FKBP5: variants seen among roughly 807,000 people sequenced by gnomAD.
FKBP5 encodes the protein peptidyl-prolyl cis-trans isomerase FKBP5.
In FKBP5, 23 loss-of-function variants were observed where a neutral mutation model predicts 50.5. The ratio of observed to expected loss-of-function variants is 0.46; its 90% CI spans 0.33 to 0.65. FKBP5 has a LOEUF of 0.65. Ranked by LOEUF, FKBP5 falls within the 30% of genes least tolerant of loss-of-function variation. The probability of loss-of-function intolerance (pLI) is 0.02; values close to 1 mark genes in which losing one functional copy is unlikely to be tolerated. For synonymous variants in FKBP5, 176 were observed against 190.6 expected, an observed-to-expected ratio of 0.92 and a Z score of 0.63; for missense variants, 411 against 553.1, an observed-to-expected ratio of 0.74 and a Z score of 2.58.
At chr6:35,714,127 G>T (rs1390633393) in intron 2 of FKBP5, among the ~76,000 whole-genome samples, 4 of 150,830 alleles carry the variant, frequency 2.7e-5, no homozygotes, top group African/African-American at 9.8e-5. Flanking sequence ...TCCTTAAGGG[G>T]TTATGAGGAC....
At chr6:35,663,261 C>G (rs189742338) in intron 1 of FKBP5, among the ~76,000 whole-genome samples, 10 of 152,312 alleles carry the variant, frequency 6.6e-5, no homozygotes, top group African/African-American at 2.4e-4. Context: ...ATGACCCATC[C>G]AGGGAGCTGC....
intron 3 of FKBP5, among the ~76,000 whole-genome samples, chr6:35,629,675 C>T (rs940574194): frequency 7.9e-5 from 12 of 152,116 alleles, no homozygotes; most frequent in Non-Finnish European, 1.5e-4. Context: ...CAACACTGTA[C>T]TCAAAAAGAG....
chr6:35,725,694 G>A (rs1250918263), intron 1 of FKBP5, among the ~76,000 whole-genome samples: 1 of 152,110 alleles, frequency 6.6e-6, no homozygotes, highest in African/African-American at 2.4e-5. Context: ...AGGGGTAACT[G>A]ACAGCAGGAT....
chr6:35,668,581 A>G (rs1765293229), intron 1 of FKBP5, among the ~76,000 whole-genome samples: 1 of 152,164 alleles, frequency 6.6e-6, no homozygotes, highest in Non-Finnish European at 1.5e-5. Context: ...CATATCATAA[A>G]ACTGGAATGG....
intron 8 of FKBP5, chr6:35,586,089 TGAC>T (rs1196371009): frequency 1.0e-6 from 1 of 985,002 alleles, no homozygotes; most frequent in Non-Finnish European, 1.2e-6. Flanking sequence ...AAAGAAACCT[TGAC>T]AGAACTCCCA....
At chr6:35,611,146 G>A (rs1295442118) in intron 5 of FKBP5, among the ~76,000 whole-genome samples, 3 of 152,050 alleles carry the variant, frequency 2.0e-5, no homozygotes, top group South Asian at 2.1e-4. Context: ...GTTTCCATTG[G>A]TTCAACTTCA....
At chr6:35,720,438 C>T (rs1480251048) in exon 2 of FKBP5, 1 of 152,686 alleles carries the variant, frequency 6.5e-6, no homozygotes, top group Admixed American at 6.5e-5. Flanking sequence ...CTTGCACACA[C>T]AGGGCTGGGG....
chr6:35,703,153 G>C (rs981907528), intron 2 of FKBP5, among the ~76,000 whole-genome samples: 1 of 152,056 alleles, frequency 6.6e-6, no homozygotes, highest in Admixed American at 6.6e-5. Context: ...GGGAGGCTGA[G>C]GCAGGAGAAT....
intron 3 of FKBP5, among the ~76,000 whole-genome samples, chr6:35,633,639 T>C (rs905063044): frequency 2.0e-5 from 3 of 152,258 alleles, no homozygotes; most frequent in East Asian, 1.9e-4. Context: ...CGTTATGTTA[T>C]AGATGTTTTA....
intron 2 of FKBP5, among the ~76,000 whole-genome samples, chr6:35,716,237 G>C (rs1766510044): frequency 6.6e-6 from 1 of 152,032 alleles, no homozygotes; most frequent in South Asian, 2.1e-4. Flanking sequence ...GCCGGGTATG[G>C]TGGCACACAC....
rs1332895810 is a variant in FKBP5, at chr6:35,695,925, A to G, written c.-20+24403T>C. ...TTTGGGAGGCTAAGGTGGGAGGATCATGAGGTCAGGAGATCGAGACCATCC... is the reference window on the plus strand; with the variant it reads ...TTTGGGAGGCTAAGGTGGGAGGATCGTGAGGTCAGGAGATCGAGACCATCC... On this transcript the variant is annotated intron_variant, in intron 2 of 11. Coordinates refer to the FKBP5 transcript ENST00000536438. Among the ~76,000 whole-genome samples the G allele has an allele frequency of 2.7e-5, 4 of 149,800 alleles. No homozygotes were observed. The East Asian group carries it at 8.2e-4, about 31-fold the overall frequency.
intron 3 of FKBP5, among the ~76,000 whole-genome samples, chr6:35,629,190 G>A (rs1032992877): frequency 2.6e-5 from 4 of 151,966 alleles, no homozygotes; most frequent in Non-Finnish European, 4.4e-5. Flanking sequence ...CTGCAGCCTG[G>A]ACCTCCTGGG....
intron 5 of FKBP5, among the ~76,000 whole-genome samples, chr6:35,614,846 C>T (rs1427925822): frequency 1.3e-5 from 2 of 151,998 alleles, no homozygotes; most frequent in Non-Finnish European, 2.9e-5. Context: ...ACAGGCTGGC[C>T]GGGCACGGTG....
At position 35,720,403 on chromosome 6, in the gene FKBP5, G is replaced by T. The variant is rs147823312; in HGVS notation, c.-95C>A. 2.2e-3 allele frequency: 331 copies of T among 152,720 alleles called. 1 individual carries two copies. Among genetic ancestry groups the T allele is most frequent in the Middle Eastern group, 6.8e-3 (2 of 296 alleles). The allele number at this position is 152,720 out of a possible 1,614,324, so 9.5% of individuals were successfully genotyped here. A position where few individuals can be genotyped will look rare whatever the true frequency, so the allele number is the denominator to read the frequency against. Reference sequence around the variant, plus strand: ...GTCGGAGAGTCTAGCCTTCTGCAGCGTGGCTGCCTGCCCCTCGGGGGCTCC... The same window carrying T: ...GTCGGAGAGTCTAGCCTTCTGCAGCTTGGCTGCCTGCCCCTCGGGGGCTCC... On this transcript the variant is annotated 5_prime_UTR_variant, in exon 2 of 12. Transcript: ENST00000536438.
intron 2 of FKBP5, among the ~76,000 whole-genome samples, chr6:35,637,608 C>T (rs1424556590): frequency 1.3e-5 from 2 of 152,068 alleles, no homozygotes; most frequent in Admixed American, 1.3e-4. Flanking sequence ...GGATTACAGG[C>T]GTGCGCCTCC....
intron 2 of FKBP5, among the ~76,000 whole-genome samples, chr6:35,717,779 G>C (rs150686652): frequency 1.3e-5 from 2 of 152,168 alleles, no homozygotes; most frequent in Non-Finnish European, 1.5e-5. Flanking sequence ...AGGCCCCGCC[G>C]TCTCATCCTT....
At chr6:35,631,333 T>A (rs1042274412) in intron 3 of FKBP5, among the ~76,000 whole-genome samples, 2 of 152,132 alleles carry the variant, frequency 1.3e-5, no homozygotes, top group Non-Finnish European at 1.5e-5. Flanking sequence ...ACACCAAAGA[T>A]AATACAAGAT....
chr6:35,588,899 C>G (rs1460417768), intron 7 of FKBP5, among the ~76,000 whole-genome samples: 2 of 150,770 alleles, frequency 1.3e-5, no homozygotes, highest in East Asian at 3.9e-4. Context: ...TGCTACCACA[C>G]CCAGGAAAAT....
At chr6:35,638,707 C>T (rs984785531) in intron 2 of FKBP5, among the ~76,000 whole-genome samples, 14 of 152,082 alleles carry the variant, frequency 9.2e-5, no homozygotes, top group South Asian at 4.1e-4. Context: ...TATAAGCTAT[C>T]GCACCCAGCC....
Sources: gnomAD v4.1 joint callset for allele counts (sites outside exome capture counted in the v4.1 genomes callset) on GRCh38, gnomAD v4.1.1 for gene constraint, MANE v1.5 for transcripts, NCBI Gene and HGNC (gene_info 2026-07-23, HGNC 2026-07-21) for gene names.